Variants in PLIN4 observed in about 807,000 individuals in gnomAD.
PLIN4 encodes the protein perilipin 4, also known as perilipin-4.
Under a neutral mutation model 52.4 loss-of-function variants are expected in PLIN4, and 57 were observed. The ratio of observed to expected loss-of-function variants is 1.09; its 90% CI spans 0.88 to 1.36. The LOEUF is 1.36. Among genes scored for constraint, PLIN4 ranks in the 40% most tolerant of loss-of-function variants. The pLI, the probability that PLIN4 is intolerant of heterozygous loss-of-function variation, is 0.00. For missense variants in PLIN4, 1,757 were observed against 1,770.3 expected (o/e 0.99, Z 0.13); for synonymous variants, 826 against 785.4 (o/e 1.05, Z -0.86).
intron 5 of PLIN4, among the ~76,000 whole-genome samples, chr19:4,510,227 G>T (rs931003798): frequency 1.3e-5 from 2 of 151,482 alleles, no homozygotes; most frequent in Non-Finnish European, 2.9e-5. Context: ...TTAGCCGGGT[G>T]TGGTGGTGGG....
rs755217552 is a variant in PLIN4, at chr19:4,512,065, T to C, written c.1895A>G (p.Asp632Gly). The C allele has an allele frequency of 3.2e-5, 51 of 1,611,702 alleles. No individual in the cohort carries two copies. Among genetic ancestry groups the C allele is most frequent in the Non-Finnish European group, 4.3e-5 (51 of 1,179,566 alleles). Residue 632 changes from aspartate (D) to glycine (G), a missense_variant, in exon 5 of 8, where the codon GAC becomes GGC. Asp to Gly is a moderately conservative substitution (Grantham distance 94). Around this residue, in one of 7 missense-constraint regions of PLIN4, gnomAD observed 439 missense variants for 406.4 expected, o/e 1.08. Coordinates refer to ENST00000301286, the MANE Select transcript of PLIN4 (RefSeq NM_001367868.2). Reference protein sequence around the residue: ...TTKTVLTGTKDTIYSGVTSAV... With the variant: ...TTKTVLTGTKGTIYSGVTSAV... ...ACTGGTGACCCCACTGTAGATGGTG[T>C]CCTTGGTACCGGTTAGGACAGTTTT...
chr19:4,505,580 T>C (rs1318227218), intron 6 of PLIN4, among the ~76,000 whole-genome samples: 1 of 152,170 alleles, frequency 6.6e-6, no homozygotes, highest in Non-Finnish European at 1.5e-5. Flanking sequence ...TATCCGCCCC[T>C]GGCAGGGGAA....
In PLIN4 at chr19:4,504,292, A is replaced by G; in HGVS notation, c.*167T>C. The G allele has an allele frequency of 1.5e-6, 1 of 677,482 alleles. No individual in the cohort carries two copies. Among genetic ancestry groups the G allele is most frequent in the East Asian group, 2.9e-5 (1 of 34,752 alleles). 42.0% of individuals were successfully genotyped at this position (677,482 alleles called of 1,614,324 possible). A position where few individuals can be genotyped will look rare whatever the true frequency, so the allele number is the denominator to read the frequency against. ...GAGCAGGGCGTGGGGTGGCTCAGTT[A>G]AGAAGGTCACTGCCTCCGCAGCCCC... On this transcript the variant is annotated 3_prime_UTR_variant, in exon 8 of 8. Coordinates refer to ENST00000301286, the MANE Select transcript of PLIN4 (RefSeq NM_001367868.2).
chr19:4,513,827 T>C, intron 4 of PLIN4, 126 bp from the exon 5 acceptor site: 1 of 1,247,392 alleles, frequency 8.0e-7, no homozygotes, highest in South Asian at 1.7e-5. Context: ...AGGCCCCACC[T>C]CCTCAAAAAG....
At chr19:4,506,437 C>T (rs1244616472) in intron 6 of PLIN4, among the ~76,000 whole-genome samples, 2 of 152,232 alleles carry the variant, frequency 1.3e-5, no homozygotes, top group Non-Finnish European at 2.9e-5. Context: ...CAGCCACTTC[C>T]TTATCCTGGT....
rs202167093 is a variant in PLIN4 at position 4,512,847 on chromosome 19, G to A, written c.1113C>T (p.Cys371=). 2.4e-5 allele frequency: 38 copies of A among 1,568,798 alleles called. 6 individuals are homozygous for A. In the African/African-American group the frequency reaches 4.9e-4, roughly 20 times the overall value. Residue 371 remains cysteine, a synonymous_variant, in exon 5 of 8, where the codon TGC becomes TGT. Transcript: ENST00000301286. ...AGTTCACGGCACCGGTCACCCCACT[G>A]CAGACAGTGTTCTTGGTGCCAGTTA... ...TVLTGTKNTV[C]SGVTGAVNLA... is the part of the protein sequence containing the mutation.
At position 4,503,574 on chromosome 19, in the gene PLIN4, C is replaced by T. The variant is rs1036281857; in HGVS notation, c.*885G>A. The stretch of plus-strand genomic sequence containing the variant: ...TGGCTGTTCCCAGCCCTGTCTGATC[C>T]CTCCATAGGGCACAGTTCCCTGCGG... On this transcript the variant is annotated 3_prime_UTR_variant, in exon 8 of 8. Coordinates refer to ENST00000301286, the MANE Select transcript of PLIN4 (RefSeq NM_001367868.2). 4.6e-5 allele frequency: 7 copies of T among 152,342 alleles called. No individual in the cohort carries two copies. Among genetic ancestry groups the T allele is most frequent in the African/African-American group, 1.7e-4 (7 of 41,442 alleles). The allele number at this position is 152,342 out of a possible 1,614,324, so 9.4% of individuals were successfully genotyped here.
chr19:4,514,598 G>A (rs1026917520), intron 4 of PLIN4, among the ~76,000 whole-genome samples: 9 of 151,504 alleles, frequency 5.9e-5, no homozygotes, highest in African/African-American at 2.2e-4. Flanking sequence ...GTGGTGGTGG[G>A]CGCCTGTAGT....
In PLIN4 at chr19:4,512,544, C is replaced by T. The variant is rs1256116612; in HGVS notation, c.1416G>A (p.Gly472=). The change falls in exon 5 of 8, where the codon GGG becomes GGA. Residue 472 remains glycine (G), a synonymous_variant. Transcript: ENST00000301286. ...TGGCCACATTCGCAGCACCGGTGAC[C>T]CCACTGCAGACAGTGTCCTTGGTAC... ...LTGTKDTVCS[G]VTGAANVAKG... 6.2e-7 allele frequency: 1 copy of T among 1,611,464 alleles called. No individual in the cohort carries two copies. The highest frequency in any genetic ancestry group is 8.5e-7 in the Non-Finnish European group (1 of 1,178,736).
rs894702340 is a variant in PLIN4 at position 4,502,458 on chromosome 19, G to A, written c.*2001C>T. ...AGGGCATCTAAGCTGTGCTGCCTGC[G>A]CCCTGCCCCGCACCCACGAGGCTGG... On this transcript the variant is annotated 3_prime_UTR_variant, in exon 8 of 8. Transcript: ENST00000301286. 6 of 316,184 alleles carry A rather than the reference G, an allele frequency of 1.9e-5. No homozygotes were observed. Among genetic ancestry groups the A allele is most frequent in the East Asian group, 1.2e-4 (1 of 8,566 alleles). The allele number at this position is 316,184 out of a possible 1,614,324, so 19.6% of individuals were successfully genotyped here.
At chr19:4,514,008 C>T (rs555677301) in intron 4 of PLIN4, among the ~76,000 whole-genome samples, 1 of 152,352 alleles carries the variant, frequency 6.6e-6, no homozygotes, top group Non-Finnish European at 1.5e-5. Context: ...GACAGCATGT[C>T]CTAGGCTTGG....
rs1394695973 is a variant in PLIN4, at chr19:4,518,153, A to C, written c.51+69T>G. 5 of 1,186,616 alleles carry C rather than the reference A, an allele frequency of 4.2e-6. No individual in the cohort carries two copies. In the African/African-American group the frequency reaches 7.9e-5, roughly 19 times the overall value. The allele number at this position is 1,186,616 out of a possible 1,614,324, so 73.5% of individuals were successfully genotyped here. ...CAGATTCGAGACCCCAGGACTGTGG[A>C]GGTCACCTTCCCCGGCTCTGGGGCA... is the stretch of plus-strand genomic sequence containing the variant. On this transcript the variant is annotated intron_variant, in intron 2 of 7. Transcript: ENST00000301286.
Position 4,512,393 on chromosome 19 carries a change from T to C in PLIN4, c.1567A>G (p.Thr523Ala). The change falls in exon 5 of 8, where the codon ACC becomes GCC. Residue 523 changes from threonine to alanine, a missense_variant. Around this residue, in one of 7 missense-constraint regions of PLIN4, gnomAD observed 439 missense variants for 406.4 expected, o/e 1.08. Transcript: ENST00000301286. ...GTGCCGGTTAGGACAGTCTTGGTGG[T>C]GTCTACGCCGGTCTGGACGGTCCCT... is the stretch of plus-strand genomic sequence containing the variant. ...AKGTVQTGVDTTKTVLTGTKD... is the reference protein window; with the variant it reads ...AKGTVQTGVDATKTVLTGTKD... 6.2e-7 allele frequency: 1 copy of C among 1,608,694 alleles called. No individual in the cohort carries two copies. The highest frequency in any genetic ancestry group is 1.7e-5 in the Admixed American group (1 of 59,662).
In PLIN4 at chr19:4,508,974, C is replaced by G; in HGVS notation, c.3515-19G>C. The G allele has an allele frequency of 2.5e-6, 4 of 1,599,768 alleles. No individual in the cohort carries two copies. The highest frequency in any genetic ancestry group is 1.7e-5 in the Admixed American group (1 of 59,080). On this transcript the variant is annotated intron_variant, in intron 5 of 7. Transcript: ENST00000301286. ...AGCTGAGCTGGAAAGGAAGGCGCAC[C>G]GCTCAGTCCCGGAAGCCCCTCAGGG...
chr19:4,505,018 T>C (rs1976050722), intron 6 of PLIN4, 71 bp from the exon 7 acceptor site: 2 of 1,394,356 alleles, frequency 1.4e-6, no homozygotes, highest in Non-Finnish European at 2.0e-6. Context: ...CACCTCCCCC[T>C]CCCCCAGGGA....
chr19:4,511,841 C>T lies in PLIN4; in HGVS notation c.2119G>A (p.Ala707Thr). Residue 707 changes from alanine (A) to threonine (T), a missense_variant, in exon 5 of 8, where the codon GCA becomes ACA. Transcript: ENST00000301286. ...KDTVTTGLMG[A>T]VNVAKGTVQT... ...ACAGTCCCTTTGGCGACATTCACTG[C>T]CCCCATGAGCCCAGTAGTGACTGTG... is the stretch of plus-strand genomic sequence containing the variant. 6.2e-7 allele frequency: 1 copy of T among 1,610,614 alleles called. No homozygotes were observed. Among genetic ancestry groups the T allele is most frequent in the Non-Finnish European group, 8.5e-7 (1 of 1,176,996 alleles).
At position 4,511,417 on chromosome 19, in the gene PLIN4, T is replaced by G; in HGVS notation, c.2543A>C (p.Gln848Pro). The G allele has an allele frequency of 2.0e-6, 3 of 1,532,242 alleles. No homozygotes were observed. Among genetic ancestry groups the G allele is most frequent in the South Asian group, 2.3e-5 (2 of 88,004 alleles). 94.9% of individuals were successfully genotyped at this position (1,532,242 alleles called of 1,614,324 possible). A position where few individuals can be genotyped will look rare whatever the true frequency, so the allele number is the denominator to read the frequency against. ...ATTTTGGGTCGTTTTCAGCCCAGTT[T>G]GCACAGCACCCTTGGCCACGTTCGC... ...GAANVAKGAV[Q>P]TGLKTTQNIA... is the part of the protein sequence containing the mutation. Residue 848 changes from glutamine to proline, a missense_variant, in exon 5 of 8, where the codon CAA (glutamine) becomes CCA (proline). By Grantham distance (76) the Gln-to-Pro change is moderately conservative. This residue lies in a region of PLIN4 where 76 missense variants were observed against 109.1 expected (regional missense o/e 0.70). Coordinates refer to ENST00000301286, the MANE Select transcript of PLIN4 (RefSeq NM_001367868.2).
At chr19:4,514,805 T>G (rs1397851446) in intron 4 of PLIN4, among the ~76,000 whole-genome samples, 2 of 151,586 alleles carry the variant, frequency 1.3e-5, no homozygotes, top group Admixed American at 6.6e-5. Flanking sequence ...CCCAGCACTA[T>G]GGGTGGCTAA....
rs1251901253 is a variant in PLIN4, at chr19:4,510,520, G to A, written c.3440C>T (p.Pro1147Leu). 3 of 1,482,986 alleles carry A rather than the reference G, an allele frequency of 2.0e-6. No homozygotes were observed. Among genetic ancestry groups the A allele is most frequent in the Middle Eastern group, 1.8e-4 (1 of 5,472 alleles). The allele number at this position is 1,482,986 out of a possible 1,614,324, so 91.9% of individuals were successfully genotyped here. ...CTCATTCTGCAGCATTGCCAAGCGT[G>A]GGGCTTCTTCGGGGCCGTGTGTGGT... The part of the protein sequence containing the change: ...LATTHGPEEA[P>L]RLAMLQNELE... The change falls in exon 5 of 8, where the codon CCA (proline) becomes CTA (leucine). Residue 1147 changes from proline to leucine, a missense_variant. Pro to Leu is a moderately conservative substitution (Grantham distance 98). Around this residue, in one of 7 missense-constraint regions of PLIN4, gnomAD observed 712 missense variants for 637.1 expected, o/e 1.12. Transcript: ENST00000301286.
Sources: allele counts gnomAD v4.1 joint callset (sites outside exome capture counted in the v4.1 genomes callset), GRCh38; gene constraint gnomAD v4.1.1; regional missense constraint gnomAD v4.1.1; transcripts MANE v1.5; gene names NCBI Gene and HGNC (gene_info 2026-07-23, HGNC 2026-07-21).